The following CDH8 variants were observed in gnomAD, a reference collection of about 807,000 sequenced individuals.
The protein encoded by CDH8 is cadherin 8.
CDH8 carries 17 observed loss-of-function variants against 68.1 expected under a neutral mutation model. The observed-to-expected ratio is 0.25, with a 90% CI of 0.17 to 0.37. The LOEUF (loss-of-function observed/expected upper bound fraction) is 0.37. CDH8 is among the 10% of genes least tolerant of loss of function. The probability of loss-of-function intolerance (pLI) is 1.00; values close to 1 mark genes in which losing one functional copy is unlikely to be tolerated. For missense variants in CDH8, 763 were observed against 999.3 expected (o/e 0.76, Z 3.19); for synonymous variants, 372 against 365.1 (o/e 1.02, Z -0.21).
At chr16:61,942,630 T>A (rs190622713) in intron 2 of CDH8, among the ~76,000 whole-genome samples, 5 of 152,336 alleles carry the variant, frequency 3.3e-5, no homozygotes, top group Non-Finnish European at 5.9e-5. Context: ...CATACCACTC[T>A]ACTGCTAGCT....
chr16:61,652,839 C>A lies in CDH8; in HGVS notation c.*769G>T. 1 of 1,519,380 alleles carries A rather than the reference C, an allele frequency of 6.6e-7. No homozygotes were observed. The highest frequency in any genetic ancestry group is 8.8e-7 in the Non-Finnish European group (1 of 1,138,592). 94.1% of individuals were successfully genotyped at this position (1,519,380 alleles called of 1,614,324 possible). ...CTCTTATGTAGTCCACTGTGTGATA[C>A]AGTTTATCTTTGTGTCCTTGTGGAA... is the stretch of plus-strand genomic sequence containing the variant. On this transcript the variant is annotated 3_prime_UTR_variant, in exon 12 of 12. Transcript: ENST00000577390.
At chr16:61,669,022 G>A (rs1027094248) in intron 10 of CDH8, among the ~76,000 whole-genome samples, 4 of 152,018 alleles carry the variant, frequency 2.6e-5, no homozygotes, top group African/African-American at 9.7e-5. Context: ...GAGAGCTGAA[G>A]ATATGAAAGA....
At chr16:61,769,927 G>A (rs930857666) in intron 8 of CDH8, among the ~76,000 whole-genome samples, 3 of 151,882 alleles carry the variant, frequency 2.0e-5, no homozygotes, top group Middle Eastern at 3.4e-3. Flanking sequence ...AGGACCTGGC[G>A]AATAATGGTG....
rs1220324933 is a variant in CDH8, at chr16:61,650,340, C to T, written c.*3268G>A. On this transcript the variant is annotated 3_prime_UTR_variant, in exon 12 of 12. Transcript: ENST00000577390. ...CCAATCACCCAGGGATGCATCAGTT[C>T]CCTAGGTGGGAACCTTGAATTGTGA... 3 of 151,936 alleles carry T rather than the reference C, an allele frequency of 2.0e-5. No individual in the cohort carries two copies. The East Asian group carries it at 5.8e-4, about 29-fold the overall frequency. 9.4% of individuals were successfully genotyped at this position (151,936 alleles called of 1,614,324 possible).
chr16:61,732,372 C>A (rs1041284178), intron 8 of CDH8, among the ~76,000 whole-genome samples: 7 of 151,630 alleles, frequency 4.6e-5, no homozygotes, highest in African/African-American at 1.7e-4. Context: ...GGTGAACAAA[C>A]AAACAAACAA....
chr16:61,800,049 C>T (rs945087395), intron 7 of CDH8, among the ~76,000 whole-genome samples: 2 of 152,130 alleles, frequency 1.3e-5, no homozygotes, highest in Non-Finnish European at 2.9e-5. Flanking sequence ...GCTGAGATTA[C>T]GGGTATGCAC....
intron 2 of CDH8, among the ~76,000 whole-genome samples, chr16:61,960,015 T>TATATATACAC (rs1198530274): frequency 2.7e-5 from 2 of 73,234 alleles, no homozygotes; most frequent in South Asian, 4.2e-4. Flanking sequence ...TATATATATA[T>TATATATACAC]ACACACATAC....
At chr16:61,714,863 A>G (rs1412500513) in intron 9 of CDH8, among the ~76,000 whole-genome samples, 3 of 151,682 alleles carry the variant, frequency 2.0e-5, no homozygotes, top group South Asian at 4.1e-4. Flanking sequence ...TGATATTTCG[A>G]GGATATAATA....
chr16:61,665,691 GTGCCT>G (rs1215447169), intron 10 of CDH8, among the ~76,000 whole-genome samples: 1 of 151,728 alleles, frequency 6.6e-6, no homozygotes, highest in Non-Finnish European at 1.5e-5. Context: ...CAGATAGACT[GTGCCT>G]ATCTGGATAA....
At position 61,877,305 on chromosome 16, in the gene CDH8, TA is replaced by T. The variant is rs112231131; in HGVS notation, c.548-20068del. Among the ~76,000 whole-genome samples, 464 of 148,542 alleles carry T rather than the reference TA, an allele frequency of 3.1e-3. 2 individuals are homozygous for T. The highest frequency in any genetic ancestry group is 4.5e-3 in the Non-Finnish European group (302 of 66,784). On this transcript the variant is annotated intron_variant, in intron 3 of 11. Transcript: ENST00000577390. ...ATAAATGGGGTAATATGGAATTATT[TA>T]AAAAAAAAAAGAAGGTTTCTAGGCA...
intron 8 of CDH8, among the ~76,000 whole-genome samples, chr16:61,785,221 A>G (rs1961207887): frequency 9.3e-6 from 1 of 107,062 alleles, no homozygotes; most frequent in African/African-American, 3.7e-5. Flanking sequence ...AGAGAGAAGA[A>G]TCAAATAGAC....
At chr16:61,887,064 T>C (rs578007564) in intron 3 of CDH8, among the ~76,000 whole-genome samples, 1 of 152,354 alleles carries the variant, frequency 6.6e-6, no homozygotes, top group South Asian at 2.1e-4. Context: ...ATTCCCTTTT[T>C]CACACAAACT....
chr16:61,962,494 C>A (rs1301265461), intron 2 of CDH8, among the ~76,000 whole-genome samples: 1 of 152,158 alleles, frequency 6.6e-6, no homozygotes, highest in African/African-American at 2.4e-5. Flanking sequence ...ATCACATGAT[C>A]TGCATGAACC....
intron 7 of CDH8, among the ~76,000 whole-genome samples, chr16:61,791,703 T>C (rs996869648): frequency 2.6e-5 from 4 of 151,998 alleles, no homozygotes; most frequent in Admixed American, 2.0e-4. Context: ...TGTCCAGTAA[T>C]TGCCTAGAAT....
At chr16:61,684,422 T>C (rs974382614) in intron 10 of CDH8, among the ~76,000 whole-genome samples, 8 of 151,920 alleles carry the variant, frequency 5.3e-5, no homozygotes, top group Non-Finnish European at 5.9e-5. Context: ...AAAAAAGATA[T>C]AGCAAGAAAA....
At chr16:61,840,369 T>G (rs1401202056) in intron 4 of CDH8, among the ~76,000 whole-genome samples, 1 of 152,176 alleles carries the variant, frequency 6.6e-6, no homozygotes, top group Non-Finnish European at 1.5e-5. Context: ...TTGGCACTCC[T>G]ACTCTTTCTC....
intron 8 of CDH8, among the ~76,000 whole-genome samples, chr16:61,788,699 AG>A (rs990407988): frequency 1.4e-4 from 21 of 152,220 alleles, no homozygotes; most frequent in African/African-American, 4.8e-4. Context: ...GTCAATAAAA[AG>A]ATTAACAAGT....
At chr16:61,684,492 C>T (rs1245886085) in intron 10 of CDH8, among the ~76,000 whole-genome samples, 1 of 151,966 alleles carries the variant, frequency 6.6e-6, no homozygotes, top group East Asian at 1.9e-4. Context: ...ATTATAACAA[C>T]AGCATTAATC....
intron 2 of CDH8, among the ~76,000 whole-genome samples, chr16:61,929,777 C>A (rs1011611879): frequency 6.6e-6 from 1 of 152,052 alleles, no homozygotes; most frequent in African/African-American, 2.4e-5. Context: ...GTAGTTCCAG[C>A]CACTTGGGTA....
Sources: allele counts gnomAD v4.1 joint callset (sites outside exome capture counted in the v4.1 genomes callset), GRCh38; gene constraint gnomAD v4.1.1; transcripts MANE v1.5; gene names NCBI Gene and HGNC (gene_info 2026-07-23, HGNC 2026-07-21).